Variants in SLCO4C1 observed in about 807,000 individuals in gnomAD.
SLCO4C1 encodes organic anion transporter M1.
Under a neutral mutation model 72.1 loss-of-function variants are expected in SLCO4C1, and 58 were observed. The ratio of observed to expected loss-of-function variants is 0.80; its 90% CI spans 0.65 to 1.00. The LOEUF is 1.00. SLCO4C1 is among the 50% of genes least tolerant of loss of function. SLCO4C1 has a pLI of 0.00. For synonymous variants in SLCO4C1, 297 were observed against 312.5 expected (o/e 0.95, Z 0.52); for missense variants, 898 against 857.9 (o/e 1.05, Z -0.58).
intron 6 of SLCO4C1, 45 bp downstream of exon 6, chr5:102,260,168 G>T: frequency 2.0e-6 from 1 of 490,660 alleles, no homozygotes; most frequent in East Asian, 4.5e-5. Context: ...GTATATGTGT[G>T]TGTGTATGAG....
At chr5:102,267,770 T>C (rs1376443735) in intron 3 of SLCO4C1, among the ~76,000 whole-genome samples, 1 of 152,062 alleles carries the variant, frequency 6.6e-6, no homozygotes. Context: ...CCTGTTAGCA[T>C]TGCTTTTGCT....
intron 10 of SLCO4C1, among the ~76,000 whole-genome samples, chr5:102,241,848 C>T (rs539930301): frequency 1.0e-3 from 147 of 146,520 alleles, no homozygotes; most frequent in Non-Finnish European, 1.6e-3. Context: ...TAATTATCTA[C>T]ACAGAAAAAA....
chr5:102,241,593 A>G (rs1748540830), intron 10 of SLCO4C1, among the ~76,000 whole-genome samples: 1 of 152,186 alleles, frequency 6.6e-6, no homozygotes, highest in Non-Finnish European at 1.5e-5. Flanking sequence ...AAAGAAATTG[A>G]AGAAGCCACA....
chr5:102,276,413 C>T (rs190653810), intron 2 of SLCO4C1, among the ~76,000 whole-genome samples: 49 of 152,248 alleles, frequency 3.2e-4, no homozygotes, highest in Non-Finnish European at 5.0e-4. Context: ...AGGTGGCAGA[C>T]GAAAACAAGA....
intron 4 of SLCO4C1, among the ~76,000 whole-genome samples, chr5:102,263,014 T>A (rs971752777): frequency 2.0e-5 from 3 of 152,116 alleles, no homozygotes; most frequent in African/African-American, 7.2e-5. Context: ...ATTTCTCTAA[T>A]CAGGAAATGG....
chr5:102,271,773 T>C (rs1749156569), intron 2 of SLCO4C1, among the ~76,000 whole-genome samples: 1 of 152,120 alleles, frequency 6.6e-6, no homozygotes, highest in Non-Finnish European at 1.5e-5. Context: ...TATTCCATAA[T>C]TACACAAACA....
At chr5:102,249,526 G>A in intron 9 of SLCO4C1, 112 bp downstream of exon 9, 2 of 1,055,298 alleles carry the variant, frequency 1.9e-6, no homozygotes, top group Non-Finnish European at 2.8e-6. Flanking sequence ...CTGCTTAACG[G>A]AGGCAATGGA....
chr5:102,286,475 T>C (rs1749454492), intron 2 of SLCO4C1, among the ~76,000 whole-genome samples: 2 of 152,274 alleles, frequency 1.3e-5, no homozygotes, highest in Admixed American at 6.5e-5. Context: ...TATCGCATTT[T>C]AAATATTTTA....
chr5:102,250,024 T>C (rs987886599), intron 8 of SLCO4C1, among the ~76,000 whole-genome samples: 9 of 152,190 alleles, frequency 5.9e-5, no homozygotes, highest in Non-Finnish European at 1.2e-4. Context: ...AAAGGCAGAA[T>C]AAGTGAAGAA....
chr5:102,238,644 G>T (rs1748482171), intron 12 of SLCO4C1, among the ~76,000 whole-genome samples: 1 of 151,890 alleles, frequency 6.6e-6, no homozygotes, highest in South Asian at 2.1e-4. Context: ...AGTTTCCTAG[G>T]TTATTATTCA....
In SLCO4C1 at chr5:102,235,820, C is replaced by T. The variant is rs1389829487; in HGVS notation, c.*1038G>A. ...CATCTCAAAACCATACCTTCTTCCCCCATGGAAAAATTGTCTTCCACAAAA... is the reference window on the plus strand; with the variant it reads ...CATCTCAAAACCATACCTTCTTCCCTCATGGAAAAATTGTCTTCCACAAAA... On this transcript the variant is annotated 3_prime_UTR_variant, in exon 13 of 13. Transcript: ENST00000310954. 6.6e-6 allele frequency: 1 copy of T among 152,162 alleles called. No individual in the cohort carries two copies. The highest frequency in any genetic ancestry group is 1.5e-5 in the Non-Finnish European group (1 of 68,040). The allele number at this position is 152,162 out of a possible 1,614,324, so 9.4% of individuals were successfully genotyped here.
chr5:102,260,328 AAAATATAT>A lies in SLCO4C1; in HGVS notation c.1022-17_1022-10del. 3.5e-5 allele frequency: 20 copies of A among 578,046 alleles called. 1 individual carries two copies. The highest frequency in any genetic ancestry group is 5.6e-5 in the East Asian group (1 of 17,892). 35.8% of individuals were successfully genotyped at this position (578,046 alleles called of 1,614,324 possible). On this transcript the variant is annotated splice_polypyrimidine_tract_variant and intron_variant, in intron 5 of 12. Coordinates refer to ENST00000310954, the MANE Select transcript of SLCO4C1 (RefSeq NM_180991.5). ...TTGAATTTCTGCTGTACCTAAAAAA[AAAATATAT>A]ATATATATATAATATATATATTATA...
chr5:102,266,868 A>G (rs986626111), intron 3 of SLCO4C1, among the ~76,000 whole-genome samples: 2 of 152,118 alleles, frequency 1.3e-5, no homozygotes, highest in African/African-American at 2.4e-5. Flanking sequence ...ATACATTTCT[A>G]CATCTACAGA....
chr5:102,277,518 GGTGTCAGTAGAAGA>G (rs1171355533), intron 2 of SLCO4C1, among the ~76,000 whole-genome samples: 2 of 152,104 alleles, frequency 1.3e-5, no homozygotes, highest in Non-Finnish European at 2.9e-5. Context: ...TCTTCTCTGT[GGTGTCAGTAGAAGA>G]GTAGCAAGTC....
At chr5:102,291,686 G>T in intron 1 of SLCO4C1, 80 bp from the exon 2 acceptor site, 1 of 1,208,846 alleles carries the variant, frequency 8.3e-7, no homozygotes, top group Non-Finnish European at 1.1e-6. Flanking sequence ...AGTAGAGTTT[G>T]ATTATTCATT....
chr5:102,263,774 C>T lies in SLCO4C1; in HGVS notation c.809G>A (p.Gly270Asp). The T allele has an allele frequency of 6.2e-7, 1 of 1,611,450 alleles. No individual in the cohort carries two copies. Among genetic ancestry groups the T allele is most frequent in the East Asian group, 2.2e-5 (1 of 44,702 alleles). Reference sequence around the variant, plus strand: ...AGGGCCTAAGATTGACATAGCATAACCGGTTCCTAGAAGAAGAACAGAGAC... The same window carrying T: ...AGGGCCTAAGATTGACATAGCATAATCGGTTCCTAGAAGAAGAACAGAGAC... Reference protein sequence around the residue: ...THKSSLYIGTGYAMSILGPAI... With the variant: ...THKSSLYIGTDYAMSILGPAI... Residue 270 changes from glycine (G) to aspartate (D), a missense_variant, in exon 4 of 13, where the codon GGT (glycine) becomes GAT (aspartate). Transcript: ENST00000310954.
At chr5:102,272,012 T>A (rs1051227091) in intron 2 of SLCO4C1, among the ~76,000 whole-genome samples, 9 of 152,160 alleles carry the variant, frequency 5.9e-5, no homozygotes, top group African/African-American at 9.7e-5. Flanking sequence ...AGATCAGCTC[T>A]GGTGAATATA....
Position 102,296,195 on chromosome 5 carries a change from A to C in SLCO4C1, c.68T>G (p.Leu23Trp). ...VPSSPDILRR[L>W]SASPSQIEVS... ...TTCGATTTGGGAGGGCGACGCAGAC[A>C]AGCGGCGCAGGATGTCTGGGCTGGA... Residue 23 changes from leucine (L) to tryptophan (W), a missense_variant, in exon 1 of 13, where the codon TTG (leucine) becomes TGG (tryptophan). Physicochemically the swap from Leu to Trp is moderately conservative, Grantham distance 61. Coordinates refer to ENST00000310954, the MANE Select transcript of SLCO4C1 (RefSeq NM_180991.5). 1 of 1,605,524 alleles carries C rather than the reference A, an allele frequency of 6.2e-7. No individual in the cohort carries two copies. The highest frequency in any genetic ancestry group is 1.7e-4 in the Middle Eastern group (1 of 5,984).
chr5:102,250,965 C>A (rs1748728235), intron 8 of SLCO4C1, among the ~76,000 whole-genome samples: 1 of 151,470 alleles, frequency 6.6e-6, no homozygotes, highest in African/African-American at 2.4e-5. Context: ...CCAGCCTGGG[C>A]AACAGAGTGA....
Sources: gnomAD v4.1 joint callset for allele counts (sites outside exome capture counted in the v4.1 genomes callset) on GRCh38, gnomAD v4.1.1 for gene constraint, MANE v1.5 for transcripts, NCBI Gene and HGNC (gene_info 2026-07-23, HGNC 2026-07-21) for gene names.